STIM1: variants seen among roughly 807,000 people sequenced by gnomAD.
STIM1 encodes the protein stromal interaction molecule 1.
Under a neutral mutation model 74.7 loss-of-function variants are expected in STIM1, and 25 were observed. The observed-to-expected ratio is 0.33, with a 90% CI of 0.24 to 0.47. The LOEUF is 0.47. STIM1 is among the 20% of genes least tolerant of loss of function. STIM1 has a pLI of 1.00. For missense variants in STIM1, 728 were observed against 920.8 expected (o/e 0.79, Z 2.71); for synonymous variants, 328 against 348.8 (o/e 0.94, Z 0.66).
chr11:3,898,063 G>A (rs2135419067), intron 1 of STIM1, among the ~76,000 whole-genome samples: 1 of 152,302 alleles, frequency 6.6e-6, no homozygotes, highest in South Asian at 2.1e-4. Context: ...GGTATTTCTA[G>A]TTCTAGATCC....
intron 2 of STIM1, among the ~76,000 whole-genome samples, chr11:3,990,266 G>T (rs2093598295): frequency 6.6e-6 from 1 of 152,014 alleles, no homozygotes; most frequent in Non-Finnish European, 1.5e-5. Flanking sequence ...CTTTTCATGG[G>T]CAAATAATAT....
chr11:4,039,073 A>T (rs1313683890), intron 3 of STIM1, among the ~76,000 whole-genome samples: 2 of 152,206 alleles, frequency 1.3e-5, no homozygotes, highest in African/African-American at 2.4e-5. Flanking sequence ...AGCTTAGATC[A>T]CAACTGCTGT....
chr11:3,858,611 T>C (rs1489211503), intron 1 of STIM1, among the ~76,000 whole-genome samples: 3 of 152,300 alleles, frequency 2.0e-5, no homozygotes, highest in Middle Eastern at 3.4e-3. Flanking sequence ...TAGACTGGGA[T>C]CTGCAAAAGA....
At chr11:4,005,166 T>G (rs1414003141) in intron 2 of STIM1, among the ~76,000 whole-genome samples, 10 of 152,278 alleles carry the variant, frequency 6.6e-5, no homozygotes, top group South Asian at 4.1e-4. Context: ...ATTGTGGAAG[T>G]CAGTGTGGCG....
intron 1 of STIM1, among the ~76,000 whole-genome samples, chr11:3,934,347 G>A (rs2092908241): frequency 6.6e-6 from 1 of 152,092 alleles, no homozygotes; most frequent in South Asian, 2.1e-4. Context: ...TTTCCTGAAG[G>A]CTGACAGGCT....
intron 5 of STIM1, among the ~76,000 whole-genome samples, chr11:4,059,605 C>T (rs1170093571): frequency 6.6e-6 from 1 of 152,228 alleles, no homozygotes; most frequent in East Asian, 1.9e-4. Flanking sequence ...AAGGAAATAT[C>T]TGCATTGTGC....
intron 3 of STIM1, among the ~76,000 whole-genome samples, chr11:4,054,011 A>G (rs1194717237): frequency 2.0e-5 from 3 of 152,242 alleles, no homozygotes; most frequent in African/African-American, 7.2e-5. Context: ...AGCCACATCT[A>G]GCTATTGGGC....
chr11:3,996,882 C>CT (rs1230631116), intron 2 of STIM1, among the ~76,000 whole-genome samples: 3 of 152,186 alleles, frequency 2.0e-5, no homozygotes, highest in Non-Finnish European at 4.4e-5. Context: ...TTCTCCAGTG[C>CT]TATGCATTCA....
intron 1 of STIM1, among the ~76,000 whole-genome samples, chr11:3,885,846 C>T (rs1016682138): frequency 2.6e-5 from 4 of 152,096 alleles, no homozygotes; most frequent in Non-Finnish European, 5.9e-5. Context: ...CTGTGTTGCC[C>T]ACGCTGGTGT....
chr11:4,010,471 A>C (rs1350202823), intron 2 of STIM1, among the ~76,000 whole-genome samples: 1 of 152,162 alleles, frequency 6.6e-6, no homozygotes, highest in Non-Finnish European at 1.5e-5. Context: ...GCGCCCGGCC[A>C]AAATTTTATG....
intron 3 of STIM1, among the ~76,000 whole-genome samples, chr11:4,043,765 C>A (rs1435245785): frequency 1.3e-5 from 2 of 151,958 alleles, no homozygotes; most frequent in Non-Finnish European, 2.9e-5. Context: ...GCTTGTAATC[C>A]CAGCACTTTG....
chr11:4,011,667 A>G (rs896225112), intron 2 of STIM1, among the ~76,000 whole-genome samples: 9 of 152,104 alleles, frequency 5.9e-5, no homozygotes, highest in Non-Finnish European at 1.2e-4. Context: ...CTCCCATTCT[A>G]TAGGTTGCCC....
intron 10 of STIM1, among the ~76,000 whole-genome samples, chr11:4,083,929 G>C (rs1028420614): frequency 6.6e-6 from 1 of 152,064 alleles, no homozygotes; most frequent in Non-Finnish European, 1.5e-5. Context: ...TTGTGTTTTT[G>C]TGAGAGGCCC....
intron 2 of STIM1, chr11:3,973,940 C>A: frequency 1.9e-6 from 1 of 539,122 alleles, no homozygotes; most frequent in African/African-American, 1.9e-5. Context: ...AACAAATATC[C>A]TTTTCATAGT....
chr11:4,000,980 G>T (rs573067948), intron 2 of STIM1, among the ~76,000 whole-genome samples: 1 of 152,190 alleles, frequency 6.6e-6, no homozygotes, highest in Non-Finnish European at 1.5e-5. Context: ...GGAAGAAAGA[G>T]TATCAGTGAC....
At chr11:3,933,011 C>G (rs2092888776) in intron 1 of STIM1, among the ~76,000 whole-genome samples, 1 of 152,202 alleles carries the variant, frequency 6.6e-6, no homozygotes, top group Admixed American at 6.5e-5. Flanking sequence ...GAAGTTGCCT[C>G]TGTTTTCAGA....
intron 1 of STIM1, among the ~76,000 whole-genome samples, chr11:3,906,743 TA>T (rs2092471505): frequency 6.6e-6 from 1 of 152,206 alleles, no homozygotes; most frequent in Non-Finnish European, 1.5e-5. Flanking sequence ...TTCACTGCTG[TA>T]ACCCTAATGC....
chr11:4,081,653 A>T (rs1373579208), intron 7 of STIM1, among the ~76,000 whole-genome samples: 1 of 152,192 alleles, frequency 6.6e-6, no homozygotes, highest in Non-Finnish European at 1.5e-5. Flanking sequence ...CCCTTCACTG[A>T]TAGTTTGGAT....
intron 1 of STIM1, among the ~76,000 whole-genome samples, chr11:3,959,300 G>A (rs892999850): frequency 6.6e-6 from 1 of 152,182 alleles, no homozygotes; most frequent in Non-Finnish European, 1.5e-5. Flanking sequence ...GTTTAGTGAC[G>A]AGAAACAGAA....
Sources: allele counts gnomAD v4.1 joint callset (sites outside exome capture counted in the v4.1 genomes callset), GRCh38; gene constraint gnomAD v4.1.1; transcripts MANE v1.5; gene names NCBI Gene and HGNC (gene_info 2026-07-23, HGNC 2026-07-21).